The following KLB variants were observed in gnomAD, a reference collection of about 807,000 sequenced individuals.
KLB encodes beta-klotho.
A neutral mutation model predicts 88.4 loss-of-function variants in KLB; 44 were observed. The observed-to-expected ratio is 0.50, with a 90% CI of 0.39 to 0.64. The LOEUF is 0.64. KLB is among the 30% of genes least tolerant of loss of function. The pLI is 0.00. For missense variants in KLB, 1,137 were observed against 1,304.8 expected (o/e 0.87, Z 1.98); for synonymous variants, 548 against 513.4 (o/e 1.07, Z -0.91).
chr4:39,445,032 C>T (rs1743704795), intron 3 of KLB, among the ~76,000 whole-genome samples: 1 of 152,092 alleles, frequency 6.6e-6, no homozygotes, highest in Non-Finnish European at 1.5e-5. Context: ...TTTACTTTCC[C>T]TTATTAATCT....
chr4:39,423,129 G>T (rs1446143346), intron 1 of KLB, among the ~76,000 whole-genome samples: 1 of 151,960 alleles, frequency 6.6e-6, no homozygotes, highest in South Asian at 2.1e-4. Context: ...TCCAGCACAG[G>T]GGTGGTCCCT....
intron 1 of KLB, among the ~76,000 whole-genome samples, chr4:39,415,677 G>A (rs1194733786): frequency 6.6e-6 from 1 of 151,734 alleles, no homozygotes; most frequent in East Asian, 1.9e-4. Flanking sequence ...AATTTAAATA[G>A]GCCTTAAAAT....
At chr4:39,439,860 G>A (rs957089916) in intron 3 of KLB, among the ~76,000 whole-genome samples, 1 of 151,928 alleles carries the variant, frequency 6.6e-6, no homozygotes, top group African/African-American at 2.4e-5. Context: ...TAGAGACGGG[G>A]TTTCACCATG....
intron 2 of KLB, among the ~76,000 whole-genome samples, chr4:39,436,312 T>C (rs534204334): frequency 8.5e-5 from 13 of 152,204 alleles, no homozygotes; most frequent in African/African-American, 2.7e-4. Context: ...CGCCCCAAGT[T>C]GCAGGAAGGA....
At chr4:39,440,147 C>CTT (rs1328624549) in intron 3 of KLB, among the ~76,000 whole-genome samples, 3 of 148,884 alleles carry the variant, frequency 2.0e-5, no homozygotes, top group Non-Finnish European at 3.0e-5. Context: ...CTCTTCTCTT[C>CTT]TTTTCTTTTC....
intron 1 of KLB, among the ~76,000 whole-genome samples, chr4:39,425,860 G>A (rs1367963645): frequency 2.0e-5 from 3 of 152,124 alleles, no homozygotes; most frequent in Admixed American, 2.0e-4. Flanking sequence ...GCTCATGCCT[G>A]TAATGTCAGC....
rs1460263922 is a variant in KLB, at chr4:39,407,611, A to T, written c.662A>T (p.Tyr221Phe). The T allele has an allele frequency of 1.9e-6, 3 of 1,614,196 alleles. No individual in the cohort carries two copies. The highest frequency in any genetic ancestry group is 1.7e-6 in the Non-Finnish European group (2 of 1,180,014). Residue 221 changes from tyrosine (Y) to phenylalanine (F), a missense_variant, in exon 1 of 5, where the codon TAT (tyrosine) becomes TTT (phenylalanine). Transcript: ENST00000257408. ...NDTIIDIFNDYATYCFQMFGD... is the reference protein window; with the variant it reads ...NDTIIDIFNDFATYCFQMFGD... ...ACCATAATAGATATCTTCAATGACT[A>T]TGCCACATACTGTTTCCAGATGTTT...
chr4:39,435,150 C>T (rs1743446442), intron 2 of KLB, among the ~76,000 whole-genome samples: 1 of 150,956 alleles, frequency 6.6e-6, no homozygotes, highest in East Asian at 2.0e-4. Flanking sequence ...AATGGAGCCA[C>T]TCTGTGGCCC....
Position 39,446,806 on chromosome 4 carries a change from C to T in KLB, c.2080C>T (p.Pro694Ser). The change falls in exon 4 of 5, where the codon CCT (proline) becomes TCT (serine). Residue 694 changes from proline to serine, a missense_variant. By Grantham distance (74) the Pro-to-Ser change is moderately conservative (BLOSUM62 -1). This residue lies in a region of KLB where 597 missense variants were observed against 765.2 expected (regional missense o/e 0.78). Coordinates refer to ENST00000257408, the MANE Select transcript of KLB (RefSeq NM_175737.4). The surrounding 1 kb of genome is among the most constrained non-coding windows in gnomAD (Gnocchi z 6.4). ...GAAGCTCTGGATCACCATCAACGAGCCTAACCGGCTAAGTGACATCTACAA... is the reference window on the plus strand; with the variant it reads ...GAAGCTCTGGATCACCATCAACGAGTCTAACCGGCTAAGTGACATCTACAA... The part of the protein sequence containing the change: ...LVKLWITINE[P>S]NRLSDIYNRS... The T allele has an allele frequency of 6.2e-7, 1 of 1,612,772 alleles. No homozygotes were observed. Among genetic ancestry groups the T allele is most frequent in the Non-Finnish European group, 8.5e-7 (1 of 1,179,718 alleles).
intron 3 of KLB, among the ~76,000 whole-genome samples, chr4:39,444,270 A>G (rs1430920598): frequency 7.9e-6 from 1 of 125,884 alleles, no homozygotes; most frequent in Non-Finnish European, 1.7e-5. Flanking sequence ...CTCCACATTT[A>G]TTAGCTGGAT....
At chr4:39,431,152 A>G (rs1196101867) in intron 1 of KLB, among the ~76,000 whole-genome samples, 1 of 147,034 alleles carries the variant, frequency 6.8e-6, no homozygotes, top group Admixed American at 7.0e-5. Context: ...CTGATCTCGA[A>G]TTCCTGAGCT....
In KLB at chr4:39,437,900, C is replaced by A. The variant is rs141653486; in HGVS notation, c.1510C>A (p.Arg504=). 2 of 1,614,120 alleles carry A rather than the reference C, an allele frequency of 1.2e-6. No individual in the cohort carries two copies. Among genetic ancestry groups the A allele is most frequent in the South Asian group, 1.1e-5 (1 of 91,084 alleles). The change falls in exon 3 of 5, where the codon CGA becomes AGA. Residue 504 remains arginine, a synonymous_variant. Transcript: ENST00000257408. ...SSAHYYKQII[R]ENGFSLKEST... ...AGCACACTACTACAAACAGATCATA[C>A]GAGAAAATGGTTTTTCTTTAAAAGA...
At chr4:39,413,714 A>C (rs1010347873) in intron 1 of KLB, among the ~76,000 whole-genome samples, 3 of 151,660 alleles carry the variant, frequency 2.0e-5, no homozygotes, top group African/African-American at 7.3e-5. Context: ...ACACAGCAAA[A>C]ACCTGTCTCA....
At chr4:39,428,865 G>A (rs1743277612) in intron 1 of KLB, among the ~76,000 whole-genome samples, 1 of 152,050 alleles carries the variant, frequency 6.6e-6, no homozygotes, top group Non-Finnish European at 1.5e-5. Context: ...CCGCCACCAT[G>A]ACCGGCTAAT....
chr4:39,437,196 T>C (rs766566394), intron 2 of KLB, among the ~76,000 whole-genome samples: 3 of 152,226 alleles, frequency 2.0e-5, no homozygotes, highest in Non-Finnish European at 4.4e-5. Flanking sequence ...CTCAGCCCCC[T>C]GCTCTTTAGC....
rs866709953 is a variant in KLB, at chr4:39,434,654, C to T, written c.1270C>T (p.Arg424Cys). Residue 424 changes from arginine to cysteine, a missense_variant, in exon 2 of 5, where the codon CGT becomes TGT. By Grantham distance (180) the Arg-to-Cys change is radical (BLOSUM62 -3). Around this residue, in one of 4 missense-constraint regions of KLB, gnomAD observed 597 missense variants for 765.2 expected, o/e 0.78. Transcript: ENST00000257408. ...TGAGAATGGCTGGTTCACAGACAGT[C>T]GTGTGAAAACAGAAGACACCACGGC... ...IAENGWFTDS[R>C]VKTEDTTAIY... 3.7e-6 allele frequency: 6 copies of T among 1,613,402 alleles called. No homozygotes were observed. Among genetic ancestry groups the T allele is most frequent in the African/African-American group, 2.7e-5 (2 of 74,886 alleles).
At chr4:39,437,695 C>CTGAA in intron 2 of KLB, 32 bp from the exon 3 acceptor site, 1 of 1,576,722 alleles carries the variant, frequency 6.3e-7, no homozygotes, top group Non-Finnish European at 8.6e-7. Flanking sequence ...GTTTAGGCCT[C>CTGAA]TGAACATCTC....
chr4:39,447,557 G>T, intron 4 of KLB, 82 bp downstream of exon 4: 2 of 1,213,346 alleles, frequency 1.6e-6, no homozygotes, highest in Non-Finnish European at 2.2e-6. Flanking sequence ...GCAGCAGGCT[G>T]GTGCCTGACA....
intron 2 of KLB, among the ~76,000 whole-genome samples, chr4:39,436,135 T>C (rs1743467154): frequency 6.6e-6 from 1 of 152,198 alleles, no homozygotes; most frequent in Non-Finnish European, 1.5e-5. Context: ...GTTACGATGG[T>C]TCTGTTCCCT....
Sources: gnomAD v4.1 joint callset for allele counts (sites outside exome capture counted in the v4.1 genomes callset) on GRCh38, gnomAD v4.1.1 for gene constraint, gnomAD v4.1.1 regional missense constraint, Gnocchi (gnomAD v3.1) non-coding constraint, MANE v1.5 for transcripts, NCBI Gene and HGNC (gene_info 2026-07-23, HGNC 2026-07-21) for gene names.